The following ZNF410 variants were observed in gnomAD, a reference collection of about 807,000 sequenced individuals.
ZNF410 encodes the protein zinc finger protein 410.
In ZNF410, 18 loss-of-function variants were observed where a neutral mutation model predicts 54.8. The observed-to-expected ratio is 0.33, with a 90% CI of 0.23 to 0.49. The LOEUF (loss-of-function observed/expected upper bound fraction) is 0.49, where lower values mean the gene tolerates loss of function less well. Among genes scored for constraint, ZNF410 ranks in the 20% least tolerant of loss-of-function variants. The pLI is 0.99. For synonymous variants in ZNF410, 191 were observed against 207.3 expected (o/e 0.92, Z 0.68); for missense variants, 405 against 569.6 (o/e 0.71, Z 2.94).
chr14:73,925,520 C>T lies in ZNF410; in HGVS notation c.1398+1998C>T, dbSNP rs1046203584. The stretch of plus-strand genomic sequence containing the variant: ...TCAGCTCACTGCAACCTCCGCCTCT[C>T]AGGTTCAAGCAATTTTCCTGCCTCA... On this transcript the variant is annotated intron_variant, in intron 11 of 11. Transcript: ENST00000555044. Among the ~76,000 whole-genome samples the T allele has an allele frequency of 2.0e-5, 3 of 151,928 alleles. No individual in the cohort carries two copies. In the East Asian group the frequency reaches 5.8e-4, roughly 29 times the overall value.
intron 10 of ZNF410, among the ~76,000 whole-genome samples, 179 bp from the exon 11 acceptor site, chr14:73,923,216 T>C (rs1391133143): frequency 6.6e-6 from 1 of 152,246 alleles, no homozygotes; most frequent in Non-Finnish European, 1.5e-5. Context: ...TATTCTCTTT[T>C]TATATTACTT....
intron 7 of ZNF410, chr14:73,905,351 A>G (rs904987084): frequency 6.0e-6 from 2 of 331,558 alleles, no homozygotes; most frequent in South Asian, 1.4e-4. Context: ...TCAGACAACA[A>G]TGATGTGGGG....
chr14:73,923,545 G>A (rs750019194), intron 11 of ZNF410, 23 bp downstream of exon 11: 7 of 1,601,710 alleles, frequency 4.4e-6, no homozygotes, highest in Non-Finnish European at 5.1e-6. Context: ...CTTGCCCTTT[G>A]TTTCTGTGAC....
intron 11 of ZNF410, among the ~76,000 whole-genome samples, chr14:73,931,286 A>G (rs2055910132): frequency 6.6e-6 from 1 of 152,322 alleles, no homozygotes; most frequent in South Asian, 2.1e-4. Flanking sequence ...TTTGATTGCC[A>G]GAGTTAAAAT....
intron 1 of ZNF410, among the ~76,000 whole-genome samples, chr14:73,889,836 G>T (rs1217523547): frequency 7.0e-6 from 1 of 142,792 alleles, no homozygotes; most frequent in African/African-American, 2.6e-5. Flanking sequence ...TTGCTCTGTC[G>T]CCCGGGCTGG....
rs779096893 is a variant in ZNF410 at position 73,898,126 on chromosome 14, A to G, written c.444A>G (p.Ser148=). The change falls in exon 5 of 12, where the codon TCA becomes TCG. Residue 148 remains serine (S), a synonymous_variant. Coordinates refer to ENST00000555044, the MANE Select transcript of ZNF410 (RefSeq NM_021188.3). The part of the protein sequence containing the change: ...LVFVQDEAED[S]GNDFLSSEST... ...TTGTACAGGATGAGGCAGAAGATTC[A>G]GGGAATGATTTCCTCTCCAGTGAGA... 5 of 1,614,084 alleles carry G rather than the reference A, an allele frequency of 3.1e-6. No homozygotes were observed. The highest frequency in any genetic ancestry group is 3.4e-6 in the Non-Finnish European group (4 of 1,180,042).
intron 10 of ZNF410, among the ~76,000 whole-genome samples, chr14:73,923,182 C>T (rs552574347): frequency 2.0e-5 from 3 of 152,232 alleles, no homozygotes; most frequent in African/African-American, 7.2e-5. Context: ...ATTCTAAATC[C>T]TGTATTAAGA....
chr14:73,916,205 G>T (rs1489543964), intron 8 of ZNF410: 1 of 152,206 alleles, frequency 6.6e-6, no homozygotes, highest in Admixed American at 6.5e-5. Context: ...GTTCATGAGC[G>T]ATATTGGTCT....
intron 11 of ZNF410, among the ~76,000 whole-genome samples, chr14:73,926,476 AG>A (rs1362099023): frequency 6.6e-6 from 1 of 151,936 alleles, no homozygotes; most frequent in Non-Finnish European, 1.5e-5. Context: ...TCTGTGGCCC[AG>A]GTCAAGAGTG....
rs2055746943 is a variant in ZNF410, at chr14:73,921,001, A to C, written c.1025A>C (p.Gln342Pro). The change falls in exon 9 of 12, where the codon CAA (glutamine) becomes CCA (proline). Residue 342 changes from glutamine (Q) to proline (P), a missense_variant. By Grantham distance (76) the Gln-to-Pro change is moderately conservative. This residue lies in a region of ZNF410 where 31 missense variants were observed against 85.5 expected (regional missense o/e 0.36). Transcript: ENST00000555044. Reference protein sequence around the residue: ...VHSGEKPHQCQVCGKTFSQSG... With the variant: ...VHSGEKPHQCPVCGKTFSQSG... ...TCAGGAGAGAAGCCTCATCAGTGCC[A>C]AGTCTGTGGGAAGACCTTCTCTCAG... The C allele has an allele frequency of 1.2e-6, 2 of 1,613,896 alleles. No homozygotes were observed. The highest frequency in any genetic ancestry group is 1.7e-6 in the Non-Finnish European group (2 of 1,179,974).
intron 11 of ZNF410, among the ~76,000 whole-genome samples, chr14:73,927,416 T>TCAAC (rs1326365177): frequency 6.6e-6 from 1 of 152,188 alleles, no homozygotes; most frequent in African/African-American, 2.4e-5. Context: ...ACTTCTCTCA[T>TCAAC]CAACCATAGG....
intron 11 of ZNF410, among the ~76,000 whole-genome samples, chr14:73,931,086 G>T (rs1303417509): frequency 1.3e-5 from 2 of 152,082 alleles, no homozygotes; most frequent in Admixed American, 6.6e-5. Context: ...CTCTCATATA[G>T]TACTTATAAA....
chr14:73,924,137 ATCAAT>A (rs2055794433), intron 11 of ZNF410, among the ~76,000 whole-genome samples: 1 of 152,176 alleles, frequency 6.6e-6, no homozygotes, highest in Admixed American at 6.5e-5. Context: ...CATTACCTAA[ATCAAT>A]GGTCTCCAGC....
intron 1 of ZNF410, chr14:73,891,733 T>C: frequency 2.7e-6 from 1 of 364,410 alleles, no homozygotes; most frequent in Non-Finnish European, 4.9e-6. Flanking sequence ...GTGTATACAT[T>C]GCTTCCAGTT....
chr14:73,905,991 A>ATATATATATATATATATATATATATG (rs1491231212), intron 7 of ZNF410, among the ~76,000 whole-genome samples: 49 of 141,746 alleles, frequency 3.5e-4, no homozygotes, highest in African/African-American at 1.0e-3. Flanking sequence ...ATATATATAT[A>ATATATATATATATATATATATATATG]TATACACACA....
chr14:73,921,167 T>C, intron 9 of ZNF410, 62 bp downstream of exon 9: 1 of 1,590,028 alleles, frequency 6.3e-7, no homozygotes, highest in South Asian at 1.1e-5. Context: ...GCCAAATCAC[T>C]GTCCTGCCTG....
At chr14:73,919,351 A>G (rs115006246) in intron 8 of ZNF410, among the ~76,000 whole-genome samples, 2,555 of 152,168 alleles carry the variant, frequency 0.017, 70 homozygotes, top group African/African-American at 0.058. Context: ...TTACAAGGGT[A>G]TATTCCAAGA....
In ZNF410 at chr14:73,892,215, C is replaced by A. The variant is rs1158503240; in HGVS notation, c.33+7C>A. Reference sequence around the variant, plus strand: ...GTTAGAATCCAAACCAGAGGTGAGCCCAGTCAGCTTGTTTCCTTTTCTTTT... The same window carrying A: ...GTTAGAATCCAAACCAGAGGTGAGCACAGTCAGCTTGTTTCCTTTTCTTTT... On this transcript the variant is annotated splice_region_variant and intron_variant, in intron 2 of 11. Transcript: ENST00000555044. 6.2e-7 allele frequency: 1 copy of A among 1,612,226 alleles called. No individual in the cohort carries two copies. The highest frequency in any genetic ancestry group is 8.5e-7 in the Non-Finnish European group (1 of 1,179,526).
intron 1 of ZNF410, among the ~76,000 whole-genome samples, chr14:73,888,786 A>G (rs1357453743): frequency 6.6e-6 from 1 of 152,216 alleles, no homozygotes; most frequent in Non-Finnish European, 1.5e-5. Flanking sequence ...AGATCCCCAC[A>G]GTACACTTGA....
Sources: allele counts gnomAD v4.1 joint callset (sites outside exome capture counted in the v4.1 genomes callset), GRCh38; gene constraint gnomAD v4.1.1; regional missense constraint gnomAD v4.1.1; transcripts MANE v1.5; gene names NCBI Gene and HGNC (gene_info 2026-07-23, HGNC 2026-07-21).